The following PTPRD variants were observed in gnomAD, a reference collection of about 807,000 sequenced individuals.
PTPRD encodes receptor-type tyrosine-protein phosphatase delta.
Under a neutral mutation model 214.5 loss-of-function variants are expected in PTPRD, and 34 were observed. The observed-to-expected ratio is 0.16, with a 90% CI of 0.12 to 0.21. The LOEUF is 0.21. Among genes scored for constraint, PTPRD ranks in the 10% least tolerant of loss-of-function variants. The probability of loss-of-function intolerance (pLI) is 1.00; values close to 1 mark genes in which losing one functional copy is unlikely to be tolerated. For missense variants in PTPRD, 2,545 were observed against 2,398.7 expected (o/e 1.06, Z -1.27); for synonymous variants, 1,128 against 845.7 (o/e 1.33, Z -5.79).
intron 7 of PTPRD, among the ~76,000 whole-genome samples, chr9:9,631,668 T>C (rs1717534934): frequency 6.6e-6 from 1 of 152,142 alleles, no homozygotes; most frequent in African/African-American, 2.4e-5. Flanking sequence ...AAGGAGCAAG[T>C]TGCCCTCTCT....
At chr9:9,416,251 C>A (rs1001593464) in intron 8 of PTPRD, among the ~76,000 whole-genome samples, 10 of 152,114 alleles carry the variant, frequency 6.6e-5, no homozygotes, top group Admixed American at 3.9e-4. Flanking sequence ...AGAACTCATT[C>A]TAAAATGAAA....
chr9:10,499,883 T>TA (rs1336978499), intron 2 of PTPRD, among the ~76,000 whole-genome samples: 2 of 151,946 alleles, frequency 1.3e-5, no homozygotes, highest in Admixed American at 6.6e-5. Context: ...TATATCTTTT[T>TA]AAAAAAATGT....
At position 8,317,807 on chromosome 9, in the gene PTPRD, T is replaced by G. The variant is rs1294304636; in HGVS notation, c.*67A>C. 9 of 1,451,258 alleles carry G rather than the reference T, an allele frequency of 6.2e-6. No homozygotes were observed. The highest frequency in any genetic ancestry group is 3.4e-5 in the Admixed American group (2 of 59,080). 89.9% of individuals were successfully genotyped at this position (1,451,258 alleles called of 1,614,324 possible). On this transcript the variant is annotated 3_prime_UTR_variant, in exon 46 of 46. Coordinates refer to ENST00000381196, the MANE Select transcript of PTPRD (RefSeq NM_002839.4). Reference sequence around the variant, plus strand: ...AGAAGGACTTCTCAAGTGCCCTGTATGGCTCAGAAGAGACTCCATGGATAT... The same window carrying G: ...AGAAGGACTTCTCAAGTGCCCTGTAGGGCTCAGAAGAGACTCCATGGATAT...
intron 2 of PTPRD, among the ~76,000 whole-genome samples, chr9:10,473,310 C>G (rs879394738): frequency 1.3e-5 from 2 of 152,012 alleles, no homozygotes; most frequent in Admixed American, 1.3e-4. Context: ...ATTCACATAC[C>G]AAAAAGCACA....
intron 34 of PTPRD, among the ~76,000 whole-genome samples, chr9:8,448,537 A>G (rs1056834981): frequency 1.1e-4 from 17 of 152,138 alleles, no homozygotes; most frequent in African/African-American, 4.1e-4. Flanking sequence ...AAGATGACAC[A>G]AGTTTGTTCA....
intron 7 of PTPRD, among the ~76,000 whole-genome samples, chr9:9,586,320 C>T (rs1158108885): frequency 6.6e-6 from 1 of 151,818 alleles, no homozygotes; most frequent in Non-Finnish European, 1.5e-5. Context: ...TAATGTTTGA[C>T]AGTATATTGG....
chr9:9,006,321 C>T (rs1458399136), intron 11 of PTPRD, among the ~76,000 whole-genome samples: 3 of 152,004 alleles, frequency 2.0e-5, no homozygotes, highest in African/African-American at 7.2e-5. Flanking sequence ...GATTCTCCTC[C>T]TCTTTTCTTT....
intron 2 of PTPRD, among the ~76,000 whole-genome samples, chr9:10,391,494 T>G (rs1454517152): frequency 3.3e-5 from 5 of 151,780 alleles, no homozygotes; most frequent in Admixed American, 1.3e-4. Context: ...ACTAGGGCAG[T>G]TCCTGTCTGT....
At chr9:9,564,690 T>A (rs1166822056) in intron 8 of PTPRD, among the ~76,000 whole-genome samples, 1 of 152,090 alleles carries the variant, frequency 6.6e-6, no homozygotes, top group East Asian at 1.9e-4. Flanking sequence ...TCATTATATT[T>A]AGGAACTCCT....
chr9:9,793,755 G>A (rs1190888715), intron 5 of PTPRD, among the ~76,000 whole-genome samples: 1 of 151,948 alleles, frequency 6.6e-6, no homozygotes, highest in Non-Finnish European at 1.5e-5. Flanking sequence ...TTCCTTCTGT[G>A]TAGTTCCTAC....
intron 7 of PTPRD, among the ~76,000 whole-genome samples, chr9:9,582,245 C>T (rs1199606458): frequency 1.3e-5 from 2 of 152,124 alleles, no homozygotes; most frequent in African/African-American, 2.4e-5. Context: ...GGCAAAAGGA[C>T]ACATGTAGAC....
At chr9:9,419,307 C>CTG in intron 8 of PTPRD, among the ~76,000 whole-genome samples, 1 of 151,556 alleles carries the variant, frequency 6.6e-6, no homozygotes, top group Non-Finnish European at 1.5e-5. Context: ...CAGATTTAAT[C>CTG]AAGCTATTTC....
At chr9:8,498,737 C>T (rs769267155) in intron 25 of PTPRD, among the ~76,000 whole-genome samples, 1 of 152,172 alleles carries the variant, frequency 6.6e-6, no homozygotes, top group Non-Finnish European at 1.5e-5. Flanking sequence ...CATGACATCT[C>T]ATCACCATTT....
intron 7 of PTPRD, among the ~76,000 whole-genome samples, chr9:9,662,628 A>T (rs1377279177): frequency 6.6e-6 from 1 of 151,678 alleles, no homozygotes; most frequent in Non-Finnish European, 1.5e-5. Context: ...ATACTTCGAT[A>T]GATTCTATAT....
chr9:10,503,189 AAT>A (rs2044371040), intron 2 of PTPRD, among the ~76,000 whole-genome samples: 1 of 112,098 alleles, frequency 8.9e-6, no homozygotes, highest in Non-Finnish European at 1.7e-5. Flanking sequence ...ACACAGCTGC[AAT>A]ACAAAAAAAA....
intron 14 of PTPRD, among the ~76,000 whole-genome samples, chr9:8,569,288 G>A (rs1448118170): frequency 6.6e-6 from 1 of 152,084 alleles, no homozygotes; most frequent in African/African-American, 2.4e-5. Context: ...TTTGCAGAAG[G>A]AAGCCCATTC....
chr9:10,121,144 T>C (rs1385197617), intron 3 of PTPRD, among the ~76,000 whole-genome samples: 1 of 152,176 alleles, frequency 6.6e-6, no homozygotes, highest in Non-Finnish European at 1.5e-5. Context: ...TGTATAGTAT[T>C]GTGAATAAGA....
At chr9:9,436,074 T>C (rs1213304898) in intron 8 of PTPRD, among the ~76,000 whole-genome samples, 1 of 152,166 alleles carries the variant, frequency 6.6e-6, no homozygotes, top group Non-Finnish European at 1.5e-5. Flanking sequence ...CACCCAACCA[T>C]GTATTACCTA....
At chr9:9,815,668 A>G (rs2821485) in intron 5 of PTPRD, among the ~76,000 whole-genome samples, 86,005 of 151,994 alleles carry the variant, frequency 0.57, 27,511 homozygotes, top group East Asian at 0.88. Context: ...GTGATGTATG[A>G]TATCACTTAT....
Sources: allele counts gnomAD v4.1 joint callset (sites outside exome capture counted in the v4.1 genomes callset), GRCh38; gene constraint gnomAD v4.1.1; transcripts MANE v1.5; gene names NCBI Gene and HGNC (gene_info 2026-07-23, HGNC 2026-07-21).